The following ALDH16A1 variants were observed in gnomAD, a reference collection of about 807,000 sequenced individuals.
ALDH16A1 encodes the protein aldehyde dehydrogenase family 16 member A1.
Under a neutral mutation model 96.1 loss-of-function variants are expected in ALDH16A1, and 88 were observed. That is an observed-to-expected ratio of 0.92 (90% CI 0.77 to 1.09). ALDH16A1 has a LOEUF of 1.09. Ranked by LOEUF, ALDH16A1 falls within the 50% of genes least tolerant of loss-of-function variation. The pLI is 0.00. For synonymous variants in ALDH16A1, 522 were observed against 496.4 expected (o/e 1.05, Z -0.69); for missense variants, 1,250 against 1,112.6 (o/e 1.12, Z -1.76).
chr19:49,469,853 T>G (rs1199999495), intron 16 of ALDH16A1: 1 of 154,644 alleles, frequency 6.5e-6, no homozygotes, highest in African/African-American at 2.4e-5. Context: ...AATGCTGAGA[T>G]TACAGGCGTG....
chr19:49,456,686 G>C (rs554765515), intron 1 of ALDH16A1, among the ~76,000 whole-genome samples: 63 of 152,238 alleles, frequency 4.1e-4, no homozygotes, highest in Non-Finnish European at 7.5e-4. Flanking sequence ...TACCATGCCC[G>C]GCCAACAATC....
In ALDH16A1 at chr19:49,464,097, A is replaced by G. The variant is rs1275129364; in HGVS notation, c.1195-30A>G. 5.0e-6 allele frequency: 8 copies of G among 1,599,592 alleles called. No individual in the cohort carries two copies. In the Admixed American group the frequency reaches 1.3e-4, roughly 27 times the overall value. On this transcript the variant is annotated intron_variant, in intron 9 of 16. Transcript: ENST00000293350. ...TCCTTCCCTGGTGGGTGGGCCCTGG[A>G]GGGCTGAGCCTCCCGGTCACCCCTT...
rs767369119 is a variant in ALDH16A1 at position 49,468,413 on chromosome 19, G to A, written c.1971G>A (p.Leu657=). The A allele has an allele frequency of 3.1e-6, 5 of 1,600,244 alleles. No homozygotes were observed. The Admixed American group carries it at 8.3e-5, about 27-fold the overall frequency. ...GGCTGAGAGGCCCTGTGCTGCGCCT[G>A]CGGGAGCCGCTGGGTGTGCTGGCTG... ...VAGLRGPVLR[L]REPLGVLAVV... The change falls in exon 15 of 17, where the codon CTG becomes CTA. Residue 657 remains leucine, a synonymous_variant. Transcript: ENST00000293350. The surrounding 1 kb of genome is among the most constrained non-coding windows in gnomAD (Gnocchi z 4.4).
At chr19:49,461,000 G>A in intron 5 of ALDH16A1, 101 bp downstream of exon 5, 1 of 1,297,534 alleles carries the variant, frequency 7.7e-7, no homozygotes, top group Non-Finnish European at 1.1e-6. Context: ...CTGGAGGCCT[G>A]GACTCTGTGG....
rs770877728 is a variant in ALDH16A1, at chr19:49,468,975, G to C, written c.2236G>C (p.Gly746Arg). Reference protein sequence around the residue: ...HQDVQAMWYFGSAQGSQFVEW... With the variant: ...HQDVQAMWYFRSAQGSQFVEW... ...AGACGTCCAGGCCATGTGGTATTTC[G>C]GATCAGCCCAGGTGCTCTTTGTTCT... The change falls in exon 16 of 17, where the codon GGA becomes CGA. Residue 746 changes from glycine (G) to arginine (R), a missense_variant. By Grantham distance (125) the Gly-to-Arg change is moderately radical. Coordinates refer to ENST00000293350, the MANE Select transcript of ALDH16A1 (RefSeq NM_153329.4). The surrounding 1 kb of genome is among the most constrained non-coding windows in gnomAD (Gnocchi z 4.4). 6.2e-7 allele frequency: 1 copy of C among 1,612,552 alleles called. No individual in the cohort carries two copies. Among genetic ancestry groups the C allele is most frequent in the Non-Finnish European group, 8.5e-7 (1 of 1,179,140 alleles).
intron 13 of ALDH16A1, 40 bp from the exon 14 acceptor site, chr19:49,466,042 A>G: frequency 6.5e-7 from 1 of 1,538,872 alleles, no homozygotes; most frequent in Non-Finnish European, 8.7e-7. Context: ...GAGAGCCAAG[A>G]CCAGGATGCC....
chr19:49,470,846 CAG>C lies in ALDH16A1; in HGVS notation c.*380_*381del, dbSNP rs58298386. ...ATTTTAGTTCTGAGGTTGAGCAGCT[CAG>C]GAGCCGGCTCCAGCACGGTGCTGTG... is the stretch of plus-strand genomic sequence containing the variant. On this transcript the variant is annotated 3_prime_UTR_variant, in exon 17 of 17. Transcript: ENST00000293350. 3,861 of 167,550 alleles carry C rather than the reference CAG, an allele frequency of 0.023. 177 individuals are homozygous for C. Among genetic ancestry groups the C allele is most frequent in the Admixed American group, 0.11 (1,726 of 16,306 alleles). 10.4% of individuals were successfully genotyped at this position (167,550 alleles called of 1,614,324 possible).
intron 1 of ALDH16A1, among the ~76,000 whole-genome samples, chr19:49,454,025 T>TTTTGTGG (rs1410425750): frequency 2.6e-4 from 14 of 54,298 alleles, no homozygotes; most frequent in African/African-American, 3.6e-4. Flanking sequence ...GTTGGGTTTT[T>TTTTGTGG]TTTTTGTTTT....
rs553005500 is a variant in ALDH16A1 at position 49,463,744 on chromosome 19, G to A, written c.1099-110G>A. The A allele has an allele frequency of 8.0e-6, 7 of 873,894 alleles. No homozygotes were observed. The Admixed American group carries it at 9.2e-5, about 11-fold the overall frequency. 54.1% of individuals were successfully genotyped at this position (873,894 alleles called of 1,614,324 possible). ...GACTCCTGGGTCTGAGGGAGGAGGG[G>A]CTGGGGGCCTGGACTCCTGGGTCTG... On this transcript the variant is annotated intron_variant, in intron 8 of 16. Coordinates refer to ENST00000293350, the MANE Select transcript of ALDH16A1 (RefSeq NM_153329.4).
rs910320485 is a variant in ALDH16A1 at position 49,469,113 on chromosome 19, G to T, written c.2247+127G>T. The T allele has an allele frequency of 2.9e-6, 4 of 1,391,638 alleles. No homozygotes were observed. In the African/African-American group the frequency reaches 5.8e-5, roughly 20 times the overall value. 86.2% of individuals were successfully genotyped at this position (1,391,638 alleles called of 1,614,324 possible). Reference sequence around the variant, plus strand: ...AGGGGAGAAACTCCTTGACAAGAAGGTTTTGAGGCCCCGCCCTTAGGACTC... The same window carrying T: ...AGGGGAGAAACTCCTTGACAAGAAGTTTTTGAGGCCCCGCCCTTAGGACTC... On this transcript the variant is annotated intron_variant, in intron 16 of 16. Coordinates refer to ENST00000293350, the MANE Select transcript of ALDH16A1 (RefSeq NM_153329.4).
chr19:49,470,179 G>A, intron 16 of ALDH16A1, 127 bp from the exon 17 acceptor site: 1 of 1,137,418 alleles, frequency 8.8e-7, no homozygotes, highest in Non-Finnish European at 1.3e-6. Context: ...GAGGAGCTGG[G>A]CATTGTAGCT....
intron 1 of ALDH16A1, among the ~76,000 whole-genome samples, chr19:49,457,209 T>C (rs2079109490): frequency 6.6e-6 from 1 of 151,664 alleles, no homozygotes; most frequent in African/African-American, 2.4e-5. Flanking sequence ...AGCAGTGTGC[T>C]TTGGATTTAG....
rs766834756 is a variant in ALDH16A1, at chr19:49,453,407, C to A, written c.76C>A (p.His26Asn). ...GGAGTACGGACCGGTGCCGGAGAGC[C>A]ACGCATGCGCACTGGTGAGAGTCTG... ...SLEYGPVPES[H>N]ACALAWLDTQ... The change falls in exon 1 of 17, where the codon CAC (histidine) becomes AAC (asparagine). Residue 26 changes from histidine (H) to asparagine (N), a missense_variant. Physicochemically the swap from His to Asn is moderately conservative, Grantham distance 68 (BLOSUM62 1). Coordinates refer to ENST00000293350, the MANE Select transcript of ALDH16A1 (RefSeq NM_153329.4). 15 of 1,552,594 alleles carry A rather than the reference C, an allele frequency of 9.7e-6. No homozygotes were observed. In the East Asian group the frequency reaches 3.6e-4, roughly 37 times the overall value.
rs1006808532 is a variant in ALDH16A1, at chr19:49,456,878, C to T, written c.91-1608C>T. Among the ~76,000 whole-genome samples, 6 of 151,996 alleles carry T rather than the reference C, an allele frequency of 3.9e-5. No homozygotes were observed. The South Asian group carries it at 1.0e-3, about 26-fold the overall frequency. ...ATCCCAGCACTTTGGGAGGCCGAGGCGAGTGGATCACCTGAGGCCAGGAGT... is the reference window on the plus strand; with the variant it reads ...ATCCCAGCACTTTGGGAGGCCGAGGTGAGTGGATCACCTGAGGCCAGGAGT... On this transcript the variant is annotated intron_variant, in intron 1 of 16. Coordinates refer to ENST00000293350, the MANE Select transcript of ALDH16A1 (RefSeq NM_153329.4).
At chr19:49,458,403 C>G (rs2079117557) in intron 1 of ALDH16A1, 83 bp from the exon 2 acceptor site, 1 of 1,037,276 alleles carries the variant, frequency 9.6e-7, no homozygotes. Context: ...AGACAGACGT[C>G]CCCTCCTAGA....
In ALDH16A1 at chr19:49,468,263, C is replaced by T. The variant is rs2079215596; in HGVS notation, c.1939-118C>T. 3 of 1,069,690 alleles carry T rather than the reference C, an allele frequency of 2.8e-6. No individual in the cohort carries two copies. In the South Asian group the frequency reaches 4.7e-5, roughly 17 times the overall value. The allele number at this position is 1,069,690 out of a possible 1,614,324, so 66.3% of individuals were successfully genotyped here. On this transcript the variant is annotated intron_variant, in intron 14 of 16. Transcript: ENST00000293350. This position sits in a 1 kb window ranked among gnomAD's most constrained non-coding sequence, Gnocchi z 4.4. ...AGCGTCTGCGAAATGGCAGGGGCTT[C>T]CACAATGGTGCGGTTTGGGCCAACA...
intron 1 of ALDH16A1, among the ~76,000 whole-genome samples, chr19:49,454,020 G>GTTTTTTT (rs3032838): frequency 0.011 from 715 of 68,058 alleles, 15 homozygotes; most frequent in African/African-American, 0.03. Flanking sequence ...TTTGGGTTGG[G>GTTTTTTT]TTTTTTTTTT....
In ALDH16A1 at chr19:49,465,858, C is replaced by T; in HGVS notation, c.1689C>T (p.Ala563=). 1 of 1,614,132 alleles carries T rather than the reference C, an allele frequency of 6.2e-7. No homozygotes were observed. Among genetic ancestry groups the T allele is most frequent in the Non-Finnish European group, 8.5e-7 (1 of 1,180,000 alleles). ...NLHGYVAEGG[A]KDIRGAVEAA... is the part of the protein sequence containing the mutation. ...ATGGCTACGTGGCTGAGGGTGGAGC[C>T]AAGGACATCCGAGGTGCTGTGGAGG... Residue 563 remains alanine (A), a synonymous_variant, in exon 13 of 17, where the codon GCC becomes GCT. Transcript: ENST00000293350.
intron 14 of ALDH16A1, among the ~76,000 whole-genome samples, chr19:49,466,855 G>A (rs1332717890): frequency 6.6e-6 from 1 of 150,576 alleles, no homozygotes; most frequent in Non-Finnish European, 1.5e-5. Flanking sequence ...GTGAGACCTT[G>A]TGTCACAAAA....
Sources: allele counts gnomAD v4.1 joint callset (sites outside exome capture counted in the v4.1 genomes callset), GRCh38; gene constraint gnomAD v4.1.1; non-coding constraint Gnocchi (gnomAD v3.1); transcripts MANE v1.5; gene names NCBI Gene and HGNC (gene_info 2026-07-23, HGNC 2026-07-21).